ZFYVE27: variants seen among roughly 807,000 people sequenced by gnomAD.
The protein encoded by ZFYVE27 is zinc finger FYVE-type containing 27, also known as protrudin.
Under a neutral mutation model 52.8 loss-of-function variants are expected in ZFYVE27, and 36 were observed. The ratio of observed to expected loss-of-function variants is 0.68; its 90% CI spans 0.52 to 0.90. The LOEUF (loss-of-function observed/expected upper bound fraction) is 0.90. Among genes scored for constraint, ZFYVE27 ranks in the 40% least tolerant of loss-of-function variants. The pLI, the probability that ZFYVE27 is intolerant of heterozygous loss-of-function variation, is 0.00. For synonymous variants in ZFYVE27, 223 were observed against 215.6 expected (o/e 1.03, Z -0.30); for missense variants, 450 against 527.2 (o/e 0.85, Z 1.43).
chr10:97,747,379 C>T (rs1033304845), intron 4 of ZFYVE27, among the ~76,000 whole-genome samples: 1 of 152,128 alleles, frequency 6.6e-6, no homozygotes, highest in Non-Finnish European at 1.5e-5. Flanking sequence ...ATATCTTGTT[C>T]CTCATCAAAC....
At chr10:97,751,719 C>T (rs1406367189) in intron 8 of ZFYVE27, among the ~76,000 whole-genome samples, 2 of 152,166 alleles carry the variant, frequency 1.3e-5, no homozygotes, top group African/African-American at 2.4e-5. Context: ...TGGACGATTT[C>T]TGGCCTTTGC....
At chr10:97,751,556 G>A in intron 8 of ZFYVE27, 94 bp downstream of exon 8, 1 of 1,272,992 alleles carries the variant, frequency 7.9e-7, no homozygotes, top group Non-Finnish European at 1.1e-6. Context: ...ATGTCCAAGT[G>A]AGAAGCTAAA....
At position 97,748,328 on chromosome 10, in the gene ZFYVE27, G is replaced by A. The variant is rs764456692; in HGVS notation, c.515G>A (p.Arg172His). Reference protein sequence around the residue: ...RLCCTCEAAYRVLHWENPVVS... With the variant: ...RLCCTCEAAYHVLHWENPVVS... The stretch of plus-strand genomic sequence containing the variant: ...TGCTGCACATGTGAAGCCGCCTACC[G>A]CGTGCTGCACTGGGAGAACCCCGTC... The change falls in exon 5 of 13, where the codon CGC (arginine) becomes CAC (histidine). Residue 172 changes from arginine (R) to histidine (H), a missense_variant. Arg to His is a conservative substitution (Grantham distance 29). Transcript: ENST00000684270. The A allele has an allele frequency of 3.3e-5, 54 of 1,614,002 alleles. No individual in the cohort carries two copies. The highest frequency in any genetic ancestry group is 4.3e-5 in the Non-Finnish European group (51 of 1,180,032).
At chr10:97,749,711 A>G (rs2046415435) in intron 6 of ZFYVE27, 125 bp downstream of exon 6, 3 of 770,000 alleles carry the variant, frequency 3.9e-6, no homozygotes, top group Admixed American at 1.9e-5. Flanking sequence ...GCAACACCAC[A>G]CTGGGGTCCT....
At chr10:97,748,429 C>T (rs1390262806) in intron 5 of ZFYVE27, 65 bp downstream of exon 5, 10 of 1,543,646 alleles carry the variant, frequency 6.5e-6, no homozygotes, top group Non-Finnish European at 8.8e-6. Context: ...CGAGCAAAGC[C>T]AGCTGCCTTG....
At chr10:97,752,349 A>C (rs1358942367) in intron 8 of ZFYVE27, among the ~76,000 whole-genome samples, 1 of 152,242 alleles carries the variant, frequency 6.6e-6, no homozygotes, top group African/African-American at 2.4e-5. Context: ...AGCCCAGGCC[A>C]TGCAGGCATT....
At chr10:97,759,001 C>T (rs1374697216) in intron 12 of ZFYVE27, among the ~76,000 whole-genome samples, 1 of 151,974 alleles carries the variant, frequency 6.6e-6, no homozygotes, top group African/African-American at 2.4e-5. Flanking sequence ...CTGTTGGTGC[C>T]ACAATAATGT....
At chr10:97,746,024 TAC>T (rs2045246718) in intron 4 of ZFYVE27, among the ~76,000 whole-genome samples, 1 of 135,082 alleles carries the variant, frequency 7.4e-6, no homozygotes, top group Non-Finnish European at 1.5e-5. Flanking sequence ...TATATATATA[TAC>T]ACATATATAT....
rs1452636702 is a variant in ZFYVE27, at chr10:97,757,742, G to A, written c.1171+19G>A. The A allele has an allele frequency of 1.2e-6, 2 of 1,613,918 alleles. No homozygotes were observed. Among genetic ancestry groups the A allele is most frequent in the Non-Finnish European group, 1.7e-6 (2 of 1,179,742 alleles). On this transcript the variant is annotated intron_variant, in intron 12 of 12. Coordinates refer to ENST00000684270, the MANE Select transcript of ZFYVE27 (RefSeq NM_001385875.1). ...GCCACAGGTGAGTGGTGCAGGTGGT[G>A]GGAGGGCTTGGTTGGTATCCCGCCC...
chr10:97,748,208 C>G lies in ZFYVE27; in HGVS notation c.456-61C>G. ...CCCTAGCCAACTGTACCTGCAAGGC[C>G]CCAGGCTCCACTTCCCAGGGCTTCT... On this transcript the variant is annotated intron_variant, in intron 4 of 12. Coordinates refer to ENST00000684270, the MANE Select transcript of ZFYVE27 (RefSeq NM_001385875.1). 3 of 1,532,350 alleles carry G rather than the reference C, an allele frequency of 2.0e-6. No individual in the cohort carries two copies. The Admixed American group carries it at 5.1e-5, about 26-fold the overall frequency. 94.9% of individuals were successfully genotyped at this position (1,532,350 alleles called of 1,614,324 possible).
chr10:97,745,834 G>A (rs1182920051), intron 4 of ZFYVE27, among the ~76,000 whole-genome samples: 1 of 152,004 alleles, frequency 6.6e-6, no homozygotes, highest in Non-Finnish European at 1.5e-5. Context: ...AGCAGTGGAC[G>A]TTTACACCTC....
At chr10:97,745,043 C>T in intron 4 of ZFYVE27, 128 bp downstream of exon 4, 1 of 1,119,906 alleles carries the variant, frequency 8.9e-7, no homozygotes, top group South Asian at 1.4e-5. Context: ...ACCTTTTTAA[C>T]AGTTCCGGGA....
intron 4 of ZFYVE27, 112 bp downstream of exon 4, chr10:97,745,027 C>A (rs2044798017): frequency 2.4e-6 from 3 of 1,242,928 alleles, no homozygotes; most frequent in Non-Finnish European, 3.4e-6. Flanking sequence ...GCTGTTACTT[C>A]ATTTAACCTT....
chr10:97,757,686 C>T lies in ZFYVE27; in HGVS notation c.1134C>T (p.Cys378=). 1 of 1,614,236 alleles carries T rather than the reference C, an allele frequency of 6.2e-7. No individual in the cohort carries two copies. Among genetic ancestry groups the T allele is most frequent in the South Asian group, 1.1e-5 (1 of 91,092 alleles). The change falls in exon 12 of 13, where the codon TGC becomes TGT. Residue 378 remains cysteine (C), a synonymous_variant. Transcript: ENST00000684270. ...NCGNSFCSRC[C]SFKVPKSSMG... is the part of the protein sequence containing the mutation. ...GAAACAGCTTCTGCTCTCGATGCTG[C>T]TCCTTCAAGGTGCCCAAGTCCTCCA...
At chr10:97,758,570 C>T (rs1233206486) in intron 12 of ZFYVE27, among the ~76,000 whole-genome samples, 1 of 152,218 alleles carries the variant, frequency 6.6e-6, no homozygotes, top group Non-Finnish European at 1.5e-5. Context: ...GATCTGCCCG[C>T]CTCGGCCTCC....
chr10:97,757,586 A>G (rs1471918670), intron 11 of ZFYVE27, 56 bp from the exon 12 acceptor site: 32 of 1,575,062 alleles, frequency 2.0e-5, no homozygotes, highest in Non-Finnish European at 2.7e-5. Flanking sequence ...GGAGGTGCTG[A>G]GAACTCCAGG....
Position 97,752,839 on chromosome 10 carries a change from C to A in ZFYVE27, c.877-18C>A, listed in dbSNP as rs192276140. 3 of 1,613,858 alleles carry A rather than the reference C, an allele frequency of 1.9e-6. No individual in the cohort carries two copies. Among genetic ancestry groups the A allele is most frequent in the Admixed American group, 3.3e-5 (2 of 60,012 alleles). ...TTCTTTCTGTTTTCTCTCCTCTTCC[C>A]CGCACCTTGGGAGGCAGGAGACCCA... is the stretch of plus-strand genomic sequence containing the variant. On this transcript the variant is annotated intron_variant, in intron 8 of 12. Transcript: ENST00000684270.
chr10:97,743,142 C>T lies in ZFYVE27; in HGVS notation c.246C>T (p.Val82=). 6.8e-6 allele frequency: 11 copies of T among 1,614,206 alleles called. No individual in the cohort carries two copies. Among genetic ancestry groups the T allele is most frequent in the Non-Finnish European group, 9.3e-6 (11 of 1,180,040 alleles). The part of the protein sequence containing the change: ...CSLLTCLGLN[V]LFLTLNEGAW... ...TGCTGACCTGCCTGGGCCTCAACGT[C>T]TTGTTCCTCACTTTGAATGAGGGTA... The change falls in exon 3 of 13, where the codon GTC becomes GTT. Residue 82 remains valine, a synonymous_variant. Transcript: ENST00000684270.
At position 97,738,464 on chromosome 10, in the gene ZFYVE27, A is replaced by AT. The variant is rs1432083062; in HGVS notation, c.-1-11dup. 5 of 1,613,490 alleles carry AT rather than the reference A, an allele frequency of 3.1e-6. No individual in the cohort carries two copies. Among genetic ancestry groups the AT allele is most frequent in the African/African-American group, 2.7e-5 (2 of 74,910 alleles). ...ACGTGCAATGCAAATGTTGGGAATTATTATGGTTACAGGATGCAGACATCA... is the reference window on the plus strand; with the variant it reads ...ACGTGCAATGCAAATGTTGGGAATTATTTATGGTTACAGGATGCAGACATCA... On this transcript the variant is annotated splice_polypyrimidine_tract_variant and intron_variant, in intron 1 of 12. Transcript: ENST00000684270.
Sources: allele counts gnomAD v4.1 joint callset (sites outside exome capture counted in the v4.1 genomes callset), GRCh38; gene constraint gnomAD v4.1.1; transcripts MANE v1.5; gene names NCBI Gene and HGNC (gene_info 2026-07-23, HGNC 2026-07-21).